Variants in NSMAF observed in about 807,000 individuals in gnomAD.
The protein encoded by NSMAF is neutral sphingomyelinase activation associated factor, also known as protein FAN.
In NSMAF, 90 loss-of-function variants were observed where a neutral mutation model predicts 134.9. That is an observed-to-expected ratio of 0.67 (90% CI 0.56 to 0.79). NSMAF has a LOEUF of 0.79. NSMAF is among the 30% of genes least tolerant of loss of function. The pLI, the probability that NSMAF is intolerant of heterozygous loss-of-function variation, is 0.00. For synonymous variants in NSMAF, 358 were observed against 389.6 expected, an observed-to-expected ratio of 0.92 and a Z score of 0.96; for missense variants, 1,010 against 1,119.0, an observed-to-expected ratio of 0.90 and a Z score of 1.39.
At chr8:58,597,689 C>G (rs1806171440) in intron 20 of NSMAF, 139 bp from the exon 21 acceptor site, 7 of 949,430 alleles carry the variant, frequency 7.4e-6, no homozygotes. Flanking sequence ...TTGTCTAAAC[C>G]TCATTATAGA....
At chr8:58,604,726 A>G (rs887583172) in intron 12 of NSMAF, among the ~76,000 whole-genome samples, 3 of 152,090 alleles carry the variant, frequency 2.0e-5, no homozygotes, top group African/African-American at 7.2e-5. Flanking sequence ...GATATTAATA[A>G]AATCCCAATA....
chr8:58,629,362 C>G (rs896087700), intron 6 of NSMAF, among the ~76,000 whole-genome samples: 3 of 152,242 alleles, frequency 2.0e-5, no homozygotes, highest in East Asian at 3.9e-4. Context: ...CATTCTTCTC[C>G]AAAATTTCTG....
In NSMAF at chr8:58,605,660, C is replaced by A. The variant is rs546464103; in HGVS notation, c.868+267G>T. ...GCATTTTTCTTCTCTTATTTCCTAT[C>A]CCAGATCCTTAGGAGTTGAACTACC... On this transcript the variant is annotated intron_variant, in intron 12 of 30. Transcript: ENST00000038176. Among the ~76,000 whole-genome samples the A allele has an allele frequency of 5.9e-5, 9 of 152,036 alleles. No individual in the cohort carries two copies. In the South Asian group the frequency reaches 1.9e-3, roughly 32 times the overall value.
At chr8:58,651,544 A>C (rs1807581795) in intron 1 of NSMAF, among the ~76,000 whole-genome samples, 3 of 152,188 alleles carry the variant, frequency 2.0e-5, no homozygotes, top group Admixed American at 6.5e-5. Flanking sequence ...AGTCAATTCT[A>C]TTTTCAAGTC....
chr8:58,650,327 G>T lies in NSMAF; in HGVS notation c.60-7254C>A, dbSNP rs543087062. Among the ~76,000 whole-genome samples the T allele has an allele frequency of 1.4e-3, 214 of 151,954 alleles. 2 individuals are homozygous for T. Among genetic ancestry groups the T allele is most frequent in the Non-Finnish European group, 2.0e-3 (137 of 67,956 alleles). ...ATTTTTCAAAGGTTCCACTCATTTG[G>T]GGCTTTAACCTTTTTGAAATTAACT... On this transcript the variant is annotated intron_variant, in intron 1 of 30. Coordinates refer to ENST00000038176, the MANE Select transcript of NSMAF (RefSeq NM_003580.4).
intron 6 of NSMAF, among the ~76,000 whole-genome samples, chr8:58,626,026 G>GT (rs1344307638): frequency 6.2e-5 from 9 of 145,960 alleles, no homozygotes; most frequent in South Asian, 2.2e-4. Flanking sequence ...CCAATATGTA[G>GT]TTTTTTTATC....
At chr8:58,589,762 T>C (rs1443495502) in intron 25 of NSMAF, 187 bp from the exon 26 acceptor site, 2 of 686,568 alleles carry the variant, frequency 2.9e-6, no homozygotes, top group East Asian at 6.2e-5. Flanking sequence ...GAAATTTCCA[T>C]GTCTGGCTCA....
chr8:58,635,424 A>C, intron 3 of NSMAF, 44 bp downstream of exon 3: 1 of 1,571,790 alleles, frequency 6.4e-7, no homozygotes, highest in Non-Finnish European at 8.7e-7. Flanking sequence ...TAAGACATAC[A>C]CAAAAAATAG....
rs538178332 is a variant in NSMAF, at chr8:58,620,936, AT to A, written c.557+2283del. Among the ~76,000 whole-genome samples the A allele has an allele frequency of 4.2e-4, 64 of 152,114 alleles. No homozygotes were observed. The South Asian group carries it at 5.0e-3, about 12-fold the overall frequency. ...ACAAGTTCCTACTCTCAAAGACTTA[AT>A]TTTTTTTATTATCTTTTAACTTTTA... On this transcript the variant is annotated intron_variant, in intron 9 of 30. Transcript: ENST00000038176.
chr8:58,588,941 G>C (rs1169389672), intron 26 of NSMAF, among the ~76,000 whole-genome samples: 1 of 151,968 alleles, frequency 6.6e-6, no homozygotes, highest in African/African-American at 2.4e-5. Flanking sequence ...CAGAAATCAT[G>C]ATAAACTTAT....
intron 26 of NSMAF, chr8:58,588,675 C>T: frequency 6.5e-7 from 1 of 1,546,410 alleles, no homozygotes; most frequent in Non-Finnish European, 8.8e-7. Flanking sequence ...TGTCCTTGGG[C>T]ATGCATCGGG....
intron 21 of NSMAF, among the ~76,000 whole-genome samples, chr8:58,596,672 G>C (rs1008018724): frequency 1.3e-5 from 2 of 152,194 alleles, no homozygotes; most frequent in African/African-American, 2.4e-5. Context: ...GCTCAGGCCT[G>C]TAATCCCAGC....
intron 8 of NSMAF, 29 bp downstream of exon 8, chr8:58,623,348 C>A (rs1806835557): frequency 6.2e-7 from 1 of 1,611,630 alleles, no homozygotes; most frequent in Non-Finnish European, 8.5e-7. Context: ...AATTGACAAT[C>A]AAAGACAGAC....
rs1806826688 is a variant in NSMAF at position 58,623,125 on chromosome 8, A to G, written c.557+95T>C. On this transcript the variant is annotated intron_variant, in intron 9 of 30. Coordinates refer to ENST00000038176, the MANE Select transcript of NSMAF (RefSeq NM_003580.4). ...CTAAGACAAGCAGGTTTTGGGTGAG[A>G]CCAATGATGACAGCAGGCTTGGATT... 9.5e-6 allele frequency: 9 copies of G among 946,092 alleles called. No individual in the cohort carries two copies. In the South Asian group the frequency reaches 1.0e-4, roughly 10 times the overall value. 58.6% of individuals were successfully genotyped at this position (946,092 alleles called of 1,614,324 possible).
At chr8:58,632,400 T>C (rs147741715) in intron 5 of NSMAF, among the ~76,000 whole-genome samples, 9 of 152,238 alleles carry the variant, frequency 5.9e-5, no homozygotes, top group African/African-American at 2.2e-4. Flanking sequence ...ATGAAGTGCA[T>C]AAGATCTCCA....
In NSMAF at chr8:58,644,163, T is replaced by G. The variant is rs572415841; in HGVS notation, c.60-1090A>C. ...AGATGGGCCTTAAGTTCCAGTGTGT[T>G]GGAGGAAGAAATTTACATTAAACAT... On this transcript the variant is annotated intron_variant, in intron 1 of 30. Transcript: ENST00000038176. 1.4e-4 allele frequency among the ~76,000 whole-genome samples: 21 copies of G among 152,330 alleles called. No homozygotes were observed. In the South Asian group the frequency reaches 3.3e-3, roughly 24 times the overall value.
chr8:58,604,252 G>C (rs996047620), intron 12 of NSMAF, among the ~76,000 whole-genome samples: 2 of 152,054 alleles, frequency 1.3e-5, no homozygotes, highest in African/African-American at 4.8e-5. Context: ...GAAAAAGTAT[G>C]AACAATCTTA....
At chr8:58,607,908 C>A in intron 10 of NSMAF, 68 bp from the exon 11 acceptor site, 2 of 1,258,792 alleles carry the variant, frequency 1.6e-6, no homozygotes, top group East Asian at 2.3e-5. Flanking sequence ...TCTATAGTAT[C>A]AGAAAGGGGA....
rs76354168 is a variant in NSMAF, at chr8:58,585,855, A to T, written c.2549+43T>A. ...AAGCCCAAATGAAGTGATCATGAAC[A>T]TGTCTGTAAATGTCTTCGCCCCCAG... On this transcript the variant is annotated intron_variant, in intron 29 of 30. Transcript: ENST00000038176. 39,654 of 1,580,886 alleles carry T rather than the reference A, an allele frequency of 0.025. 3,467 individuals carry two copies. The East Asian group carries it at 0.29, about 12-fold the overall frequency.
Sources: gnomAD v4.1 joint callset for allele counts (sites outside exome capture counted in the v4.1 genomes callset) on GRCh38, gnomAD v4.1.1 for gene constraint, MANE v1.5 for transcripts, NCBI Gene and HGNC (gene_info 2026-07-23, HGNC 2026-07-21) for gene names.